Variants in ZFYVE28 observed in about 807,000 individuals in gnomAD.
ZFYVE28 encodes the protein lateral signaling target protein 2 homolog.
In ZFYVE28, 40 loss-of-function variants were observed where a neutral mutation model predicts 82.1. That is an observed-to-expected ratio of 0.49 (90% CI 0.38 to 0.63). ZFYVE28 has a LOEUF of 0.63. Ranked by LOEUF, ZFYVE28 falls within the 30% of genes least tolerant of loss-of-function variation. The probability of loss-of-function intolerance (pLI) is 0.00; values close to 1 mark genes in which losing one functional copy is unlikely to be tolerated. For missense variants in ZFYVE28, 1,321 were observed against 1,242.1 expected, an observed-to-expected ratio of 1.06 and a Z score of -0.96; for synonymous variants, 612 against 546.1, an observed-to-expected ratio of 1.12 and a Z score of -1.68.
intron 1 of ZFYVE28, among the ~76,000 whole-genome samples, chr4:2,355,138 C>T (rs1725045879): frequency 6.9e-6 from 1 of 145,446 alleles, no homozygotes; most frequent in Non-Finnish European, 1.5e-5. Flanking sequence ...CAGCTTGTTC[C>T]CCTGGATCAG....
intron 6 of ZFYVE28, among the ~76,000 whole-genome samples, chr4:2,333,482 C>T (rs925341554): frequency 3.9e-5 from 6 of 151,976 alleles, no homozygotes; most frequent in South Asian, 2.1e-4. Context: ...CGGGCAAACA[C>T]GGGCAGCAGA....
chr4:2,372,090 G>A lies in ZFYVE28; in HGVS notation c.40-18017C>T, dbSNP rs552259515. 9.2e-5 allele frequency among the ~76,000 whole-genome samples: 14 copies of A among 152,308 alleles called. No individual in the cohort carries two copies. Among genetic ancestry groups the A allele is most frequent in the Middle Eastern group, 3.4e-3 (1 of 294 alleles). On this transcript the variant is annotated intron_variant, in intron 1 of 12. Transcript: ENST00000290974. The surrounding 1 kb of genome is among the most constrained non-coding windows in gnomAD (Gnocchi z 5.2). ...CTGGAGGGGCGTGCAGCGTGTGGCC[G>A]GTTCTGGTGCGCATGGCCCATGTGG...
intron 1 of ZFYVE28, among the ~76,000 whole-genome samples, chr4:2,406,053 A>AT (rs772114193): frequency 3.1e-5 from 3 of 95,698 alleles, no homozygotes; most frequent in Non-Finnish European, 6.1e-5. Context: ...GTCTCAAAAA[A>AT]AAAAAAAAAA....
intron 8 of ZFYVE28, among the ~76,000 whole-genome samples, chr4:2,284,188 T>G (rs553171083): frequency 6.6e-6 from 1 of 152,172 alleles, no homozygotes. Context: ...GTGTACGCAG[T>G]GGAGGGAGTC....
intron 1 of ZFYVE28, among the ~76,000 whole-genome samples, chr4:2,388,214 C>T (rs1242939932): frequency 2.0e-5 from 3 of 152,234 alleles, no homozygotes; most frequent in Admixed American, 2.0e-4. Context: ...ATTCAAGACA[C>T]ATAAAAACTG....
intron 7 of ZFYVE28, among the ~76,000 whole-genome samples, chr4:2,316,667 C>T (rs1718251704): frequency 6.6e-6 from 1 of 151,932 alleles, no homozygotes; most frequent in African/African-American, 2.4e-5. Context: ...TCTGGCTCTT[C>T]TCTCAACTAT....
At chr4:2,368,223 A>AAAAAAAAAAAAC (rs1727116223) in intron 1 of ZFYVE28, among the ~76,000 whole-genome samples, 2 of 139,558 alleles carry the variant, frequency 1.4e-5, no homozygotes, top group Non-Finnish European at 3.2e-5. Flanking sequence ...AAAAAAAAAA[A>AAAAAAAAAAAAC]AAAAAAACAC....
rs1722033185 is a variant in ZFYVE28, at chr4:2,337,560, G to GT, written c.522-65dup. On this transcript the variant is annotated intron_variant, in intron 4 of 12. Transcript: ENST00000290974. ...TGTGGCGGGGCCCCTCCAAAACAGAGTGGGGGGCATCTTCAATTAAAGCTG... is the reference window on the plus strand; with the variant it reads ...TGTGGCGGGGCCCCTCCAAAACAGAGTTGGGGGGCATCTTCAATTAAAGCTG... 1.6e-5 allele frequency: 21 copies of GT among 1,317,286 alleles called. 1 individual carries two copies. The South Asian group carries it at 3.0e-4, about 19-fold the overall frequency. 81.6% of individuals were successfully genotyped at this position (1,317,286 alleles called of 1,614,324 possible).
chr4:2,377,707 T>C (rs1018532574), intron 1 of ZFYVE28, among the ~76,000 whole-genome samples: 1 of 152,222 alleles, frequency 6.6e-6, no homozygotes. Flanking sequence ...TACTCTGTCT[T>C]TTCTGTTAAT....
chr4:2,272,096 G>A (rs1216590206), intron 10 of ZFYVE28, among the ~76,000 whole-genome samples: 2 of 152,330 alleles, frequency 1.3e-5, no homozygotes, highest in South Asian at 4.1e-4. Context: ...ACCTCCGTGT[G>A]CAGAACAGGG....
chr4:2,349,052 G>C (rs916831328), intron 2 of ZFYVE28, among the ~76,000 whole-genome samples: 1 of 152,076 alleles, frequency 6.6e-6, no homozygotes, highest in Non-Finnish European at 1.5e-5. Context: ...TGGATTTAGT[G>C]TTCTAATTCA....
chr4:2,288,843 A>C lies in ZFYVE28; in HGVS notation c.2052-14627T>G, dbSNP rs936340054. Among the ~76,000 whole-genome samples, 3 of 152,332 alleles carry C rather than the reference A, an allele frequency of 2.0e-5. No homozygotes were observed. The East Asian group carries it at 5.8e-4, about 29-fold the overall frequency. On this transcript the variant is annotated intron_variant, in intron 8 of 12. Transcript: ENST00000290974. ...AAGTTAAAAAAAAAGATAGCTGGGCATGGCAGCACATGCCTGTGGTCCAAG... is the reference window on the plus strand; with the variant it reads ...AAGTTAAAAAAAAAGATAGCTGGGCCTGGCAGCACATGCCTGTGGTCCAAG...
At chr4:2,364,702 C>T in intron 1 of ZFYVE28, 2 of 985,484 alleles carry the variant, frequency 2.0e-6, no homozygotes, top group Non-Finnish European at 2.4e-6. Flanking sequence ...CCTCGCGTCT[C>T]GCCGTCAGGG....
At chr4:2,338,863 C>T (rs772699348) in intron 4 of ZFYVE28, among the ~76,000 whole-genome samples, 20 of 152,240 alleles carry the variant, frequency 1.3e-4, no homozygotes, top group Non-Finnish European at 2.1e-4. Flanking sequence ...CTCGCTCTCT[C>T]GCCCAGGCTG....
At chr4:2,387,190 C>T (rs768779564) in intron 1 of ZFYVE28, among the ~76,000 whole-genome samples, 43 of 152,144 alleles carry the variant, frequency 2.8e-4, no homozygotes, top group Non-Finnish European at 4.9e-4. Flanking sequence ...GGCCTAGGGT[C>T]CCCCAAGGCT....
At chr4:2,299,534 G>A (rs1401204925) in intron 8 of ZFYVE28, among the ~76,000 whole-genome samples, 1 of 142,384 alleles carries the variant, frequency 7.0e-6, no homozygotes, top group Non-Finnish European at 1.5e-5. Flanking sequence ...CAGGAGGACA[G>A]CTTGAGCCCA....
intron 6 of ZFYVE28, chr4:2,328,807 T>C (rs79017864): frequency 4.1e-6 from 1 of 242,426 alleles, no homozygotes; most frequent in Non-Finnish European, 7.9e-6. Flanking sequence ...CTTTGTTCTT[T>C]TTTTTTTTTT....
chr4:2,361,055 TA>T (rs1246342016), intron 1 of ZFYVE28, among the ~76,000 whole-genome samples: 1 of 152,210 alleles, frequency 6.6e-6, no homozygotes, highest in African/African-American at 2.4e-5. Flanking sequence ...ATAAAAATTG[TA>T]AAAGAATAAA....
At chr4:2,291,847 C>T (rs1420970390) in intron 8 of ZFYVE28, among the ~76,000 whole-genome samples, 1 of 152,218 alleles carries the variant, frequency 6.6e-6, no homozygotes, top group Non-Finnish European at 1.5e-5. Context: ...TGAGGCTGGA[C>T]AGCCACCAGC....
Sources: allele counts gnomAD v4.1 joint callset (sites outside exome capture counted in the v4.1 genomes callset), GRCh38; gene constraint gnomAD v4.1.1; non-coding constraint Gnocchi (gnomAD v3.1); transcripts MANE v1.5; gene names NCBI Gene and HGNC (gene_info 2026-07-23, HGNC 2026-07-21).